The following PTPRN2 variants were observed in gnomAD, a reference collection of about 807,000 sequenced individuals.
PTPRN2 encodes protein tyrosine phosphatase receptor type N2, also known as receptor-type tyrosine-protein phosphatase N2.
Under a neutral mutation model 118.8 loss-of-function variants are expected in PTPRN2, and 74 were observed. The ratio of observed to expected loss-of-function variants is 0.62; its 90% CI spans 0.52 to 0.76. The LOEUF is 0.76. Among genes scored for constraint, PTPRN2 ranks in the 30% least tolerant of loss-of-function variants. The pLI is 0.00. For synonymous variants in PTPRN2, 641 were observed against 608.0 expected, an observed-to-expected ratio of 1.05 and a Z score of -0.80; for missense variants, 1,481 against 1,394.4, an observed-to-expected ratio of 1.06 and a Z score of -0.99.
chr7:158,083,592 A>G (rs1013642003), intron 10 of PTPRN2, among the ~76,000 whole-genome samples: 1 of 152,196 alleles, frequency 6.6e-6, no homozygotes, highest in Non-Finnish European at 1.5e-5. Flanking sequence ...TGACCCATAC[A>G]TGGCCCCGTA....
chr7:157,914,815 C>T (rs1284392130), intron 11 of PTPRN2, among the ~76,000 whole-genome samples: 4 of 152,024 alleles, frequency 2.6e-5, no homozygotes, highest in Non-Finnish European at 5.9e-5. Context: ...ACTCTGCCCT[C>T]TATGGCTCCT....
In PTPRN2 at chr7:158,316,943, G is replaced by A. The variant is rs770182021; in HGVS notation, c.164-11C>T. 1 of 1,592,824 alleles carries A rather than the reference G, an allele frequency of 6.3e-7. No individual in the cohort carries two copies. The highest frequency in any genetic ancestry group is 8.6e-7 in the Non-Finnish European group (1 of 1,165,284). On this transcript the variant is annotated splice_polypyrimidine_tract_variant and intron_variant, in intron 2 of 22. Transcript: ENST00000389418. ...TTCCAAACACTCCATCTGTGAGAAG[G>A]GAAGGAGATAAGACAGAACGAGACG...
intron 3 of PTPRN2, among the ~76,000 whole-genome samples, chr7:158,246,446 G>A (rs1478423883): frequency 3.3e-5 from 5 of 151,114 alleles, no homozygotes; most frequent in African/African-American, 7.3e-5. Context: ...CTCTAACTCC[G>A]TGTGGTCCAC....
intron 12 of PTPRN2, among the ~76,000 whole-genome samples, chr7:157,743,360 G>A (rs1238720061): frequency 6.6e-6 from 1 of 152,202 alleles, no homozygotes; most frequent in Non-Finnish European, 1.5e-5. Context: ...CAGGAGTGCT[G>A]TCTGCTCACG....
At chr7:158,541,949 G>T (rs1270224260) in intron 1 of PTPRN2, among the ~76,000 whole-genome samples, 1 of 152,210 alleles carries the variant, frequency 6.6e-6, no homozygotes, top group Non-Finnish European at 1.5e-5. Flanking sequence ...AAACAGCAAG[G>T]CTTTATTACA....
chr7:158,206,683 C>A (rs1012067459), intron 3 of PTPRN2, among the ~76,000 whole-genome samples: 1 of 152,120 alleles, frequency 6.6e-6, no homozygotes, highest in Non-Finnish European at 1.5e-5. Flanking sequence ...CAAGGTGATA[C>A]ATCTGTGAGT....
At chr7:158,347,997 G>A (rs1285171299) in intron 2 of PTPRN2, among the ~76,000 whole-genome samples, 1 of 152,058 alleles carries the variant, frequency 6.6e-6, no homozygotes, top group Non-Finnish European at 1.5e-5. Flanking sequence ...TTGCTCCCTT[G>A]CGGCCCAGGA....
rs934301500 is a variant in PTPRN2 at position 157,838,334 on chromosome 7, A to G, written c.1788+60339T>C. 2.7e-5 allele frequency among the ~76,000 whole-genome samples: 4 copies of G among 147,296 alleles called. No homozygotes were observed. The East Asian group carries it at 6.1e-4, about 23-fold the overall frequency. On this transcript the variant is annotated intron_variant, in intron 12 of 22. Coordinates refer to ENST00000389418, the MANE Select transcript of PTPRN2 (RefSeq NM_002847.5). ...GAGAAAGCTCCTCTCCGCCGTGCCT[A>G]CTCCAGTTCCTCTCGTAGTGGATGG...
At chr7:157,957,576 T>C (rs1360328886) in intron 11 of PTPRN2, among the ~76,000 whole-genome samples, 1 of 152,018 alleles carries the variant, frequency 6.6e-6, no homozygotes, top group Admixed American at 6.6e-5. Flanking sequence ...TAATTATTAT[T>C]TGATGGTACA....
intron 12 of PTPRN2, among the ~76,000 whole-genome samples, chr7:157,684,932 G>A (rs1797101044): frequency 6.6e-6 from 1 of 151,954 alleles, no homozygotes; most frequent in Admixed American, 6.5e-5. Context: ...GGATGCGAGA[G>A]GCGTGTGGGT....
chr7:158,511,490 C>G (rs1823175640), intron 1 of PTPRN2, among the ~76,000 whole-genome samples: 1 of 152,322 alleles, frequency 6.6e-6, no homozygotes, highest in South Asian at 2.1e-4. Context: ...GAACAAAGAA[C>G]AAGGGTCCCA....
chr7:158,184,419 T>C (rs1290315450), intron 5 of PTPRN2, among the ~76,000 whole-genome samples: 4 of 152,382 alleles, frequency 2.6e-5, no homozygotes, highest in Admixed American at 6.5e-5. Context: ...CAGAAATAAA[T>C]TAATTTTTGT....
intron 12 of PTPRN2, among the ~76,000 whole-genome samples, chr7:157,759,745 G>A (rs10281701): frequency 0.015 from 2,238 of 152,326 alleles, 73 homozygotes; most frequent in African/African-American, 0.05. Flanking sequence ...AATAATGTAC[G>A]CGTTGAGAAT....
intron 11 of PTPRN2, among the ~76,000 whole-genome samples, chr7:157,954,179 GTGTGTGGTA>G (rs1801016858): frequency 1.2e-5 from 1 of 84,092 alleles, no homozygotes; most frequent in East Asian, 4.0e-4. Flanking sequence ...GCTGTGTGGT[GTGTGTGGTA>G]CATGTGTGCT....
At chr7:157,778,146 C>T (rs891694736) in intron 12 of PTPRN2, among the ~76,000 whole-genome samples, 1 of 152,226 alleles carries the variant, frequency 6.6e-6, no homozygotes, top group Non-Finnish European at 1.5e-5. Flanking sequence ...TGTTTTCCTC[C>T]CTGGGGACAG....
chr7:158,101,808 C>T (rs1480973197), intron 10 of PTPRN2, among the ~76,000 whole-genome samples: 1 of 152,236 alleles, frequency 6.6e-6, no homozygotes, highest in Non-Finnish European at 1.5e-5. Context: ...GCCACCCTGA[C>T]CGTCCAGCTG....
intron 12 of PTPRN2, among the ~76,000 whole-genome samples, chr7:157,896,765 A>G (rs1293235484): frequency 6.6e-6 from 1 of 152,220 alleles, no homozygotes; most frequent in African/African-American, 2.4e-5. Context: ...ACATGGCAGA[A>G]GCCACTTGGG....
At chr7:157,649,551 C>T (rs201580198) in intron 14 of PTPRN2, among the ~76,000 whole-genome samples, 9,165 of 78,082 alleles carry the variant, frequency 0.12, 182 homozygotes, top group East Asian at 0.16. Flanking sequence ...CTCGGTGGGT[C>T]GGACCCATCC....
intron 11 of PTPRN2, among the ~76,000 whole-genome samples, chr7:158,020,712 G>T (rs1806812617): frequency 6.6e-6 from 1 of 152,218 alleles, no homozygotes; most frequent in Admixed American, 6.5e-5. Context: ...GATTATGGTA[G>T]AAACTGATAC....
Sources: gnomAD v4.1 joint callset for allele counts (sites outside exome capture counted in the v4.1 genomes callset) on GRCh38, gnomAD v4.1.1 for gene constraint, MANE v1.5 for transcripts, NCBI Gene and HGNC (gene_info 2026-07-23, HGNC 2026-07-21) for gene names.